The following NELL1 variants were observed in gnomAD, a reference collection of about 807,000 sequenced individuals.
NELL1 encodes the protein neural EGFL like 1, also known as protein kinase C-binding protein NELL1.
Under a neutral mutation model 107.4 loss-of-function variants are expected in NELL1, and 76 were observed. That is an observed-to-expected ratio of 0.71 (90% CI 0.59 to 0.86). The LOEUF (loss-of-function observed/expected upper bound fraction) is 0.86. Ranked by LOEUF, NELL1 falls within the 40% of genes least tolerant of loss-of-function variation. The probability of loss-of-function intolerance (pLI) is 0.00; values close to 1 mark genes in which losing one functional copy is unlikely to be tolerated. For synonymous variants in NELL1, 353 were observed against 341.2 expected, an observed-to-expected ratio of 1.03 and a Z score of -0.38; for missense variants, 1,024 against 1,005.5, an observed-to-expected ratio of 1.02 and a Z score of -0.25.
intron 14 of NELL1, among the ~76,000 whole-genome samples, chr11:21,352,189 A>T (rs1454741487): frequency 6.6e-6 from 1 of 151,620 alleles, no homozygotes; most frequent in Non-Finnish European, 1.5e-5. Flanking sequence ...ATAAATAGTA[A>T]CCCCTCTACC....
chr11:21,275,852 G>T (rs970148389), intron 14 of NELL1, among the ~76,000 whole-genome samples: 1 of 151,944 alleles, frequency 6.6e-6, no homozygotes, highest in Admixed American at 6.6e-5. Context: ...ATTCAACAAC[G>T]CTTCATCCTA....
chr11:20,746,378 C>T (rs1321525569), intron 2 of NELL1, among the ~76,000 whole-genome samples: 2 of 152,130 alleles, frequency 1.3e-5, no homozygotes, highest in Non-Finnish European at 2.9e-5. Flanking sequence ...ATCCTTCTCC[C>T]CACTTACTAG....
intron 13 of NELL1, among the ~76,000 whole-genome samples, chr11:21,125,280 A>G (rs1855462059): frequency 1.3e-5 from 2 of 152,174 alleles, no homozygotes; most frequent in African/African-American, 4.8e-5. Context: ...AATGAGAATC[A>G]GGGAACATAC....
At chr11:21,354,051 A>G (rs993299981) in intron 14 of NELL1, among the ~76,000 whole-genome samples, 5 of 152,208 alleles carry the variant, frequency 3.3e-5, no homozygotes, top group Admixed American at 6.5e-5. Context: ...CACAACAACT[A>G]TATAAAGAAG....
intron 11 of NELL1, among the ~76,000 whole-genome samples, chr11:20,955,018 A>G (rs2134207450): frequency 6.6e-6 from 1 of 152,304 alleles, no homozygotes; most frequent in Non-Finnish European, 1.5e-5. Context: ...CCGTTGAGTC[A>G]AGCTTCCTAA....
At chr11:20,830,433 T>A (rs575458834) in intron 3 of NELL1, among the ~76,000 whole-genome samples, 5 of 150,524 alleles carry the variant, frequency 3.3e-5, no homozygotes, top group African/African-American at 1.2e-4. Flanking sequence ...GCCTCCTGGG[T>A]TCAAGCAACT....
intron 4 of NELL1, among the ~76,000 whole-genome samples, chr11:20,867,938 A>G (rs982438880): frequency 6.6e-6 from 1 of 152,198 alleles, no homozygotes; most frequent in Non-Finnish European, 1.5e-5. Flanking sequence ...TATTTATTTT[A>G]CCCTCACTCA....
At chr11:20,868,123 G>A (rs537898329) in intron 4 of NELL1, among the ~76,000 whole-genome samples, 1 of 152,062 alleles carries the variant, frequency 6.6e-6, no homozygotes, top group South Asian at 2.1e-4. Context: ...TGTTTTTAAG[G>A]CATCTTCATT....
intron 13 of NELL1, among the ~76,000 whole-genome samples, chr11:21,167,749 A>G (rs1361418556): frequency 6.6e-6 from 1 of 151,764 alleles, no homozygotes; most frequent in African/African-American, 2.4e-5. Context: ...TTCTTGATTC[A>G]GGCCACATTT....
chr11:21,505,549 C>T (rs1041468448), intron 15 of NELL1, among the ~76,000 whole-genome samples: 2 of 152,144 alleles, frequency 1.3e-5, no homozygotes, highest in Non-Finnish European at 2.9e-5. Flanking sequence ...ACAGCTACAC[C>T]AAATACTTCA....
chr11:21,272,428 A>C (rs1848760019), intron 14 of NELL1, among the ~76,000 whole-genome samples: 1 of 152,216 alleles, frequency 6.6e-6, no homozygotes, highest in Non-Finnish European at 1.5e-5. Context: ...GGTGGAGCCC[A>C]CCGCAGCTCA....
chr11:21,328,697 A>C (rs1288661986), intron 14 of NELL1, among the ~76,000 whole-genome samples: 3 of 152,168 alleles, frequency 2.0e-5, no homozygotes, highest in African/African-American at 7.2e-5. Flanking sequence ...ATACCCTGCA[A>C]AGCCACAGAG....
intron 4 of NELL1, among the ~76,000 whole-genome samples, chr11:20,880,951 G>A (rs1302627544): frequency 1.3e-5 from 2 of 152,094 alleles, no homozygotes; most frequent in African/African-American, 4.8e-5. Flanking sequence ...GGGGTGGAGG[G>A]GCAGGCTTAG....
intron 13 of NELL1, among the ~76,000 whole-genome samples, chr11:21,121,843 A>T (rs1565070904): frequency 6.6e-6 from 1 of 152,304 alleles, no homozygotes; most frequent in Middle Eastern, 3.4e-3. Flanking sequence ...ATTCATCGAA[A>T]GTTTGTTTTT....
chr11:21,359,019 T>C (rs991605995), intron 14 of NELL1, among the ~76,000 whole-genome samples: 1 of 152,154 alleles, frequency 6.6e-6, no homozygotes, highest in Admixed American at 6.6e-5. Context: ...CTATGTTGAA[T>C]AGAAGTGGTA....
chr11:20,818,705 C>T (rs1478862876), intron 3 of NELL1, among the ~76,000 whole-genome samples: 1 of 152,140 alleles, frequency 6.6e-6, no homozygotes, highest in African/African-American at 2.4e-5. Context: ...TTATCATTGT[C>T]TAGCTTGGGG....
At chr11:21,561,784 G>A (rs1856856003) in intron 17 of NELL1, among the ~76,000 whole-genome samples, 1 of 151,992 alleles carries the variant, frequency 6.6e-6, no homozygotes, top group African/African-American at 2.4e-5. Flanking sequence ...TTGTATGTAA[G>A]TGACTGGTGA....
intron 14 of NELL1, among the ~76,000 whole-genome samples, chr11:21,274,553 T>C (rs894719436): frequency 6.6e-6 from 1 of 152,182 alleles, no homozygotes; most frequent in East Asian, 1.9e-4. Context: ...GCGGACCTAA[T>C]AGACATCTAC....
rs149742780 is a variant in NELL1, at chr11:21,388,102, C to A, written c.1645+17154C>A. On this transcript the variant is annotated intron_variant, in intron 15 of 19. Transcript: ENST00000357134. The stretch of plus-strand genomic sequence containing the variant: ...ATGTTTTTTTTTTTTTCTGGTATGC[C>A]ATACTGCCTTCAGCCTTCCTTCTAC... Among the ~76,000 whole-genome samples the A allele has an allele frequency of 1.1e-3, 165 of 150,830 alleles. No individual in the cohort carries two copies. The East Asian group carries it at 0.023, about 21-fold the overall frequency.
Sources: gnomAD v4.1 joint callset for allele counts (sites outside exome capture counted in the v4.1 genomes callset) on GRCh38, gnomAD v4.1.1 for gene constraint, MANE v1.5 for transcripts, NCBI Gene and HGNC (gene_info 2026-07-23, HGNC 2026-07-21) for gene names.